CCDC171: variants seen among roughly 807,000 people sequenced by gnomAD.
The protein encoded by CCDC171 is coiled-coil domain-containing protein 171.
In CCDC171, 177 loss-of-function variants were observed where a neutral mutation model predicts 168.2. That is an observed-to-expected ratio of 1.05 (90% CI 0.93 to 1.19). The LOEUF is 1.19. CCDC171 is among the 50% of genes most tolerant of loss of function. The pLI, the probability that CCDC171 is intolerant of heterozygous loss-of-function variation, is 0.00. For missense variants in CCDC171, 1,991 were observed against 1,539.0 expected (o/e 1.29, Z -4.91); for synonymous variants, 687 against 540.8 (o/e 1.27, Z -3.75).
chr9:15,865,961 C>A (rs915901341), intron 23 of CCDC171, among the ~76,000 whole-genome samples: 1 of 151,734 alleles, frequency 6.6e-6, no homozygotes, highest in Non-Finnish European at 1.5e-5. Flanking sequence ...TAGAAGAAAA[C>A]TAATGCCTGG....
chr9:15,905,612 A>T (rs1252513010), intron 24 of CCDC171, among the ~76,000 whole-genome samples: 1 of 152,208 alleles, frequency 6.6e-6, no homozygotes, highest in Non-Finnish European at 1.5e-5. Flanking sequence ...AATTAAAAGA[A>T]CTAGAGAAGC....
At chr9:15,750,880 G>T (rs940270602) in intron 18 of CCDC171, among the ~76,000 whole-genome samples, 1 of 152,170 alleles carries the variant, frequency 6.6e-6, no homozygotes, top group Admixed American at 6.5e-5. Context: ...AGACAAGGAT[G>T]CTCTCTCTCA....
At chr9:15,883,166 C>A in intron 24 of CCDC171, 1 of 332,468 alleles carries the variant, frequency 3.0e-6, no homozygotes, top group South Asian at 2.3e-5. Flanking sequence ...GTACCTAGGA[C>A]CACAGGTGCG....
At chr9:16,104,697 C>T in the CCDC171 span, among the ~76,000 whole-genome samples, 1 of 151,904 alleles carries the variant, frequency 6.6e-6, no homozygotes, top group East Asian at 1.9e-4. Context: ...TCCACCCACC[C>T]GTTCACCCAA....
downstream of CCDC171, among the ~76,000 whole-genome samples, chr9:15,977,473 G>A (rs1485650418): frequency 6.6e-6 from 1 of 152,186 alleles, no homozygotes; most frequent in African/African-American, 2.4e-5. Flanking sequence ...CATATTCTGT[G>A]TAGGTGTGTT....
rs566666955 is a variant in CCDC171, at chr9:15,603,774, G to A, written c.675+9602G>A. Among the ~76,000 whole-genome samples the A allele has an allele frequency of 5.3e-5, 8 of 152,092 alleles. No individual in the cohort carries two copies. The South Asian group carries it at 1.7e-3, about 32-fold the overall frequency. On this transcript the variant is annotated intron_variant, in intron 6 of 25. Transcript: ENST00000380701. ...TTCCTTTGGGTATATACCTATTAAT[G>A]GGATTGCTGGGTCAAATGGTATTTC...
intron 22 of CCDC171, 120 bp from the exon 23 acceptor site, chr9:15,848,773 A>C (rs2130781400): frequency 2.0e-6 from 1 of 490,722 alleles, no homozygotes; most frequent in Non-Finnish European, 3.6e-6. Context: ...AATTAAAAAA[A>C]TAAAAGGAGA....
intron 22 of CCDC171, 136 bp downstream of exon 22, chr9:15,846,983 A>G: frequency 1.5e-6 from 1 of 671,918 alleles, no homozygotes; most frequent in South Asian, 2.9e-5. Flanking sequence ...AAATTCTCTG[A>G]TATATCCTCA....
intron 1 of CCDC171, among the ~76,000 whole-genome samples, chr9:16,043,387 T>G (rs908338376): frequency 2.0e-5 from 3 of 152,194 alleles, no homozygotes; most frequent in South Asian, 4.1e-4. Context: ...CAACATTTAT[T>G]TGGGGTGTTG....
chr9:15,939,162 C>T (rs536595731), intron 25 of CCDC171, among the ~76,000 whole-genome samples: 60 of 150,866 alleles, frequency 4.0e-4, no homozygotes, highest in Non-Finnish European at 7.4e-4. Context: ...CTATTTATAT[C>T]TATATACTGT....
intron 3 of CCDC171, among the ~76,000 whole-genome samples, chr9:16,008,914 A>G (rs1407385790): frequency 1.3e-5 from 2 of 152,154 alleles, no homozygotes; most frequent in Non-Finnish European, 2.9e-5. Context: ...TGTGAATTCC[A>G]GTGTCGGCAG....
rs1454740996 is a variant in CCDC171 at position 15,983,815 on chromosome 9, AGAGTGTGT to A, written n.369-36772_369-36765del. Among the ~76,000 whole-genome samples, 177 of 124,584 alleles carry A rather than the reference AGAGTGTGT, an allele frequency of 1.4e-3. 3 individuals are homozygous for A. Among genetic ancestry groups the A allele is most frequent in the African/African-American group, 4.1e-3 (141 of 34,586 alleles). 81.7% of individuals were successfully genotyped at this position (124,584 alleles called of 152,430 possible). A position where few individuals can be genotyped will look rare whatever the true frequency, so the allele number is the denominator to read the frequency against. ...GTAGGGAGGCAAGAGCTAAATAAAG[AGAGTGTGT>A]GTGTGTGTGTGTGTGTGTGTGTGTG... is the stretch of plus-strand genomic sequence containing the variant. On this transcript the variant is annotated intron_variant and non_coding_transcript_variant, in intron 3 of 9. Coordinates refer to the CCDC171 transcript ENST00000486641.
At chr9:15,761,039 A>T (rs890052053) in intron 18 of CCDC171, among the ~76,000 whole-genome samples, 1 of 152,178 alleles carries the variant, frequency 6.6e-6, no homozygotes, top group Non-Finnish European at 1.5e-5. Flanking sequence ...TTTTGATATG[A>T]CTGGTCGAGA....
At chr9:15,930,672 G>A (rs1201970528) in intron 25 of CCDC171, among the ~76,000 whole-genome samples, 1 of 151,618 alleles carries the variant, frequency 6.6e-6, no homozygotes, top group East Asian at 1.9e-4. Context: ...TTCAGAAATA[G>A]AGGTCTAATT....
intron 16 of CCDC171, among the ~76,000 whole-genome samples, chr9:15,736,118 A>G (rs766985034): frequency 1.3e-5 from 2 of 152,170 alleles, no homozygotes; most frequent in African/African-American, 4.8e-5. Context: ...TTCTAGGGAC[A>G]GGATTAGAAG....
At position 15,814,922 on chromosome 9, in the gene CCDC171, A is replaced by G. The variant is rs554593996; in HGVS notation, c.3267+30228A>G. 3.3e-5 allele frequency among the ~76,000 whole-genome samples: 5 copies of G among 152,352 alleles called. No homozygotes were observed. In the East Asian group the frequency reaches 9.6e-4, roughly 29 times the overall value. ...TAATGGTTGGTGAGATTTTGATATG[A>G]CAATGAATGACAGCTTCTGAAGCTG... On this transcript the variant is annotated intron_variant, in intron 21 of 25. Coordinates refer to ENST00000380701, the MANE Select transcript of CCDC171 (RefSeq NM_173550.4).
In CCDC171 at chr9:15,594,044, G is replaced by A. The variant is rs991425076; in HGVS notation, c.547G>A (p.Ala183Thr). The A allele has an allele frequency of 6.3e-7, 1 of 1,582,212 alleles. No individual in the cohort carries two copies. The highest frequency in any genetic ancestry group is 8.6e-7 in the Non-Finnish European group (1 of 1,163,146). Residue 183 changes from alanine (A) to threonine (T), a missense_variant, in exon 6 of 26, where the codon GCG becomes ACG. Physicochemically the swap from Ala to Thr is moderately conservative, Grantham distance 58 (BLOSUM62 0). Coordinates refer to ENST00000380701, the MANE Select transcript of CCDC171 (RefSeq NM_173550.4). ...GCAAGATTTTATTTATATAAAGGAA[G>A]CGTTGGAAAAACATCAACGGGAGAA... The part of the protein sequence containing the change: ...KSRLEKTLQE[A>T]LEKHQREKNE...
chr9:16,089,830 C>T, the CCDC171 span, among the ~76,000 whole-genome samples: 2 of 152,098 alleles, frequency 1.3e-5, no homozygotes, highest in South Asian at 4.2e-4. Context: ...AAAAGCTTAA[C>T]ACCACTGGTC....
At chr9:16,100,679 G>A in the CCDC171 span, among the ~76,000 whole-genome samples, 1 of 152,192 alleles carries the variant, frequency 6.6e-6, no homozygotes, top group African/African-American at 2.4e-5. Context: ...GCTGGCCAGA[G>A]TTGGAAGTGT....
Sources: gnomAD v4.1 joint callset for allele counts (sites outside exome capture counted in the v4.1 genomes callset) on GRCh38, gnomAD v4.1.1 for gene constraint, MANE v1.5 for transcripts, NCBI Gene and HGNC (gene_info 2026-07-23, HGNC 2026-07-21) for gene names.